Variants in NEDD4 observed in about 807,000 individuals in gnomAD.
The protein encoded by NEDD4 is NEDD4 E3 ubiquitin protein ligase.
Under a neutral mutation model 144.9 loss-of-function variants are expected in NEDD4, and 99 were observed. That is an observed-to-expected ratio of 0.68 (90% CI 0.58 to 0.81). The LOEUF is 0.81. Among genes scored for constraint, NEDD4 ranks in the 30% least tolerant of loss-of-function variants. The pLI, the probability that NEDD4 is intolerant of heterozygous loss-of-function variation, is 0.00. For missense variants in NEDD4, 985 were observed against 1,065.9 expected, an observed-to-expected ratio of 0.92 and a Z score of 1.06; for synonymous variants, 318 against 350.6, an observed-to-expected ratio of 0.91 and a Z score of 1.04.
rs546275402 is a variant in NEDD4 at position 55,862,360 on chromosome 15, A to G, written c.674+553T>C. Among the ~76,000 whole-genome samples, 160 of 152,318 alleles carry G rather than the reference A, an allele frequency of 1.1e-3. No homozygotes were observed. The South Asian group carries it at 0.011, about 11-fold the overall frequency. Reference sequence around the variant, plus strand: ...AATGGGAGATTTTATAAATGTATATACAGTCTAATAATAAAAAAAATCACT... The same window carrying G: ...AATGGGAGATTTTATAAATGTATATGCAGTCTAATAATAAAAAAAATCACT... On this transcript the variant is annotated intron_variant, in intron 9 of 28. Coordinates refer to ENST00000435532, the MANE Select transcript of NEDD4 (RefSeq NM_006154.4).
At position 55,834,377 on chromosome 15, in the gene NEDD4, A is replaced by G. The variant is rs1010054137; in HGVS notation, c.2263-91T>C. On this transcript the variant is annotated intron_variant, in intron 24 of 28. Coordinates refer to ENST00000435532, the MANE Select transcript of NEDD4 (RefSeq NM_006154.4). ...CTGGATGCTACTGGAGGAATCCCAC[A>G]TCCACACAAGTTTCTACCACTACAC... 16 of 754,630 alleles carry G rather than the reference A, an allele frequency of 2.1e-5. No homozygotes were observed. In the Middle Eastern group the frequency reaches 7.0e-4, roughly 33 times the overall value. The allele number at this position is 754,630 out of a possible 1,614,324, so 46.7% of individuals were successfully genotyped here.
At chr15:55,901,918 T>A (rs187581699) in intron 5 of NEDD4, among the ~76,000 whole-genome samples, 1 of 152,236 alleles carries the variant, frequency 6.6e-6, no homozygotes, top group East Asian at 1.9e-4. Flanking sequence ...ATAAATTTTA[T>A]ATTATATAAA....
chr15:55,886,865 C>G (rs76548200), intron 5 of NEDD4, among the ~76,000 whole-genome samples: 7 of 151,012 alleles, frequency 4.6e-5, no homozygotes, highest in African/African-American at 1.7e-4. Context: ...ACAAAAACAT[C>G]GAAATTAAAT....
chr15:55,985,268 A>C (rs2037871345), intron 1 of NEDD4, among the ~76,000 whole-genome samples: 1 of 152,250 alleles, frequency 6.6e-6, no homozygotes, highest in Admixed American at 6.5e-5. Context: ...GCAGTCAATC[A>C]CAGGCCACTA....
chr15:55,912,473 A>T (rs940129814), intron 5 of NEDD4, among the ~76,000 whole-genome samples: 28 of 152,224 alleles, frequency 1.8e-4, no homozygotes, highest in African/African-American at 6.7e-4. Context: ...TGTAAAAAAT[A>T]ATTCTAATAA....
In NEDD4 at chr15:55,842,181, A is replaced by T; in HGVS notation, c.1609-18T>A. ...ATGTCATTCTGAAAATCCAGAGGAG[A>T]GACGTACTGTTTAAATCAGTTCAAC... is the stretch of plus-strand genomic sequence containing the variant. On this transcript the variant is annotated intron_variant, in intron 18 of 28. Transcript: ENST00000435532. The T allele has an allele frequency of 1.9e-6, 3 of 1,597,270 alleles. No homozygotes were observed. The highest frequency in any genetic ancestry group is 2.6e-6 in the Non-Finnish European group (3 of 1,164,818).
In NEDD4 at chr15:55,827,688, A is replaced by T. The variant is rs1216126734; in HGVS notation, c.*2209T>A. The T allele has an allele frequency of 6.6e-6, 1 of 152,224 alleles. No homozygotes were observed. Among genetic ancestry groups the T allele is most frequent in the Non-Finnish European group, 1.5e-5 (1 of 68,030 alleles). 9.4% of individuals were successfully genotyped at this position (152,224 alleles called of 1,614,324 possible). ...GCTGATATGAAGAAAATGAATTATG[A>T]TGGTAAGATCCATATACAGATATAC... On this transcript the variant is annotated 3_prime_UTR_variant, in exon 29 of 29. Coordinates refer to ENST00000435532, the MANE Select transcript of NEDD4 (RefSeq NM_006154.4).
chr15:55,925,449 G>T (rs1369842347), intron 4 of NEDD4, among the ~76,000 whole-genome samples: 4 of 152,106 alleles, frequency 2.6e-5, no homozygotes, highest in African/African-American at 9.7e-5. Flanking sequence ...AAAATTACAT[G>T]TTGCTTTTAC....
chr15:55,915,245 C>T (rs1316300494), intron 5 of NEDD4: 1 of 1,491,328 alleles, frequency 6.7e-7, no homozygotes, highest in African/African-American at 1.4e-5. Flanking sequence ...AAGTTATTCT[C>T]ATATAAATTA....
At position 55,846,965 on chromosome 15, in the gene NEDD4, T is replaced by C. The variant is rs2033774934; in HGVS notation, c.1608+4A>G. The stretch of plus-strand genomic sequence containing the variant: ...CTTAAGTATTTATTATAAACATGAC[T>C]AACCTGCTTCTTCAACTTTCTTCGG... On this transcript the variant is annotated splice_donor_region_variant and intron_variant, in intron 18 of 28. Coordinates refer to ENST00000435532, the MANE Select transcript of NEDD4 (RefSeq NM_006154.4). 3 of 1,576,898 alleles carry C rather than the reference T, an allele frequency of 1.9e-6. No individual in the cohort carries two copies. Among genetic ancestry groups the C allele is most frequent in the Admixed American group, 1.7e-5 (1 of 59,602 alleles).
Position 55,930,365 on chromosome 15 carries a change from G to A in NEDD4, c.238-5666C>T, listed in dbSNP as rs377583850. 3.3e-4 allele frequency among the ~76,000 whole-genome samples: 50 copies of A among 152,152 alleles called. 1 individual carries two copies. The South Asian group carries it at 0.01, about 32-fold the overall frequency. On this transcript the variant is annotated intron_variant, in intron 4 of 28. Transcript: ENST00000435532. ...TAATTTCTCTCATGTATCTAGAATGGTACTGGTTAAGACTAGCCTTGGAAG... is the reference window on the plus strand; with the variant it reads ...TAATTTCTCTCATGTATCTAGAATGATACTGGTTAAGACTAGCCTTGGAAG...
chr15:55,973,060 G>T (rs117958966), intron 1 of NEDD4, among the ~76,000 whole-genome samples: 1 of 151,980 alleles, frequency 6.6e-6, no homozygotes, highest in Admixed American at 6.6e-5. Context: ...TCCCACTTTC[G>T]GCACTGGATA....
At chr15:55,869,807 C>A in intron 7 of NEDD4, 126 bp from the exon 8 acceptor site, 1 of 578,094 alleles carries the variant, frequency 1.7e-6, no homozygotes, top group Non-Finnish European at 3.0e-6. Flanking sequence ...AAGACAAGTT[C>A]CAGGGCAGAA....
chr15:55,921,419 G>T (rs1006372343), intron 5 of NEDD4, among the ~76,000 whole-genome samples: 1 of 151,838 alleles, frequency 6.6e-6, no homozygotes, highest in African/African-American at 2.4e-5. Flanking sequence ...CCACCTCCTG[G>T]GCTCAAGCAA....
intron 5 of NEDD4, among the ~76,000 whole-genome samples, chr15:55,917,593 T>A (rs1477787557): frequency 1.3e-5 from 2 of 152,026 alleles, no homozygotes; most frequent in Non-Finnish European, 2.9e-5. Context: ...GCTAGTTACA[T>A]AAAAAGTGAA....
At chr15:55,832,943 C>T (rs1231446491) in intron 27 of NEDD4, 65 bp downstream of exon 27, 90 of 1,072,252 alleles carry the variant, frequency 8.4e-5, no homozygotes, top group Middle Eastern at 6.2e-4. Context: ...CTTGCGGATT[C>T]GTCAGCCATG....
chr15:55,829,793 G>T lies in NEDD4; in HGVS notation c.*104C>A. 1.5e-6 allele frequency: 1 copy of T among 682,964 alleles called. No homozygotes were observed. The allele number at this position is 682,964 out of a possible 1,614,324, so 42.3% of individuals were successfully genotyped here. ...TTATATGATTTTCTTCAAGATCTGGGAAGACTCAGTGGCCACATTTTAGTA... is the reference window on the plus strand; with the variant it reads ...TTATATGATTTTCTTCAAGATCTGGTAAGACTCAGTGGCCACATTTTAGTA... On this transcript the variant is annotated 3_prime_UTR_variant, in exon 29 of 29. Transcript: ENST00000435532.
At chr15:55,926,910 T>C (rs1387479319) in intron 4 of NEDD4, among the ~76,000 whole-genome samples, 1 of 151,740 alleles carries the variant, frequency 6.6e-6, no homozygotes, top group Non-Finnish European at 1.5e-5. Flanking sequence ...ACCCTGTCTC[T>C]ACTAAAAATA....
intron 4 of NEDD4, among the ~76,000 whole-genome samples, chr15:55,939,105 C>T (rs974298247): frequency 7.2e-5 from 8 of 110,588 alleles, no homozygotes; most frequent in African/African-American, 2.6e-4. Flanking sequence ...GACCGTGTCT[C>T]GAAAACAACA....
Sources: allele counts gnomAD v4.1 joint callset (sites outside exome capture counted in the v4.1 genomes callset), GRCh38; gene constraint gnomAD v4.1.1; transcripts MANE v1.5; gene names NCBI Gene and HGNC (gene_info 2026-07-23, HGNC 2026-07-21).